CNTN5: variants seen among roughly 807,000 people sequenced by gnomAD.
CNTN5 encodes contactin 5.
A neutral mutation model predicts 129.1 loss-of-function variants in CNTN5; 77 were observed. That is an observed-to-expected ratio of 0.60 (90% CI 0.50 to 0.72). The LOEUF (loss-of-function observed/expected upper bound fraction) is 0.72, where lower values mean the gene tolerates loss of function less well. Among genes scored for constraint, CNTN5 ranks in the 30% least tolerant of loss-of-function variants. CNTN5 has a pLI of 0.00. For missense variants in CNTN5, 1,478 were observed against 1,328.8 expected, an observed-to-expected ratio of 1.11 and a Z score of -1.75; for synonymous variants, 509 against 465.6, an observed-to-expected ratio of 1.09 and a Z score of -1.20.
intron 16 of CNTN5, among the ~76,000 whole-genome samples, chr11:100,231,521 T>A (rs867252257): frequency 3.9e-5 from 6 of 152,096 alleles, no homozygotes; most frequent in Non-Finnish European, 5.9e-5. Context: ...TATACTCTAG[T>A]TAGTTAGACT....
rs150788659 is a variant in CNTN5 at position 100,105,941 on chromosome 11, G to A, written c.1580+31647G>A. Reference sequence around the variant, plus strand: ...CTCATAACATTGGCCCCATTTTACAGTGGAACTCTGATGCTTAATTATACT... The same window carrying A: ...CTCATAACATTGGCCCCATTTTACAATGGAACTCTGATGCTTAATTATACT... On this transcript the variant is annotated intron_variant, in intron 13 of 24. Coordinates refer to ENST00000524871, the MANE Select transcript of CNTN5 (RefSeq NM_014361.4). Among the ~76,000 whole-genome samples, 167 of 152,310 alleles carry A rather than the reference G, an allele frequency of 1.1e-3. 1 individual carries two copies. The highest frequency in any genetic ancestry group is 3.9e-3 in the African/African-American group (164 of 41,576).
At chr11:99,248,150 C>G (rs1056421190) in intron 1 of CNTN5, among the ~76,000 whole-genome samples, 1 of 152,120 alleles carries the variant, frequency 6.6e-6, no homozygotes, top group Non-Finnish European at 1.5e-5. Context: ...TAATGATCAC[C>G]ATTCTAACTG....
At chr11:99,922,645 A>G (rs1169979911) in intron 7 of CNTN5, among the ~76,000 whole-genome samples, 5 of 152,168 alleles carry the variant, frequency 3.3e-5, no homozygotes, top group Non-Finnish European at 2.9e-5. Context: ...TTTTCAAATC[A>G]TAATTAGTTT....
intron 3 of CNTN5, among the ~76,000 whole-genome samples, chr11:99,799,610 A>G (rs775503269): frequency 6.6e-6 from 1 of 151,936 alleles, no homozygotes; most frequent in African/African-American, 2.4e-5. Flanking sequence ...GATCATGAAG[A>G]ATTAACTTTT....
chr11:99,740,018 T>C (rs1161301349), intron 3 of CNTN5, among the ~76,000 whole-genome samples: 1 of 151,564 alleles, frequency 6.6e-6, no homozygotes, highest in Admixed American at 6.6e-5. Context: ...GTGATAAATC[T>C]ATCTTCGATC....
intron 8 of CNTN5, among the ~76,000 whole-genome samples, chr11:99,985,816 C>G (rs1938636767): frequency 6.6e-6 from 1 of 152,150 alleles, no homozygotes; most frequent in African/African-American, 2.4e-5. Flanking sequence ...TTATTTTATT[C>G]AGTCAATGTC....
chr11:99,583,057 C>G (rs1949667156), intron 3 of CNTN5, among the ~76,000 whole-genome samples: 1 of 152,220 alleles, frequency 6.6e-6, no homozygotes. Flanking sequence ...GGACTCTCAG[C>G]TTCAGGTCTG....
At chr11:99,161,764 A>C (rs1271173679) in intron 1 of CNTN5, among the ~76,000 whole-genome samples, 3 of 152,212 alleles carry the variant, frequency 2.0e-5, no homozygotes, top group Non-Finnish European at 4.4e-5. Context: ...AAAAAGTCAG[A>C]AACCATTGTA....
intron 9 of CNTN5, among the ~76,000 whole-genome samples, chr11:100,040,703 C>T (rs549779918): frequency 5.3e-5 from 8 of 152,322 alleles, no homozygotes; most frequent in South Asian, 2.1e-4. Context: ...GCCTCACTGC[C>T]GCCTTGCAGT....
intron 13 of CNTN5, among the ~76,000 whole-genome samples, chr11:100,126,510 A>T (rs1182987141): frequency 1.3e-5 from 2 of 149,972 alleles, no homozygotes; most frequent in Non-Finnish European, 3.0e-5. Flanking sequence ...TGTTGAATTG[A>T]ATCCTTTAAC....
chr11:99,318,570 C>T (rs1443311578), intron 1 of CNTN5, among the ~76,000 whole-genome samples: 1 of 151,830 alleles, frequency 6.6e-6, no homozygotes, highest in Non-Finnish European at 1.5e-5. Context: ...ATTAACTCTC[C>T]AATCGGCAAT....
chr11:99,368,633 T>C (rs1939614070), intron 2 of CNTN5, among the ~76,000 whole-genome samples: 1 of 151,746 alleles, frequency 6.6e-6, no homozygotes, highest in South Asian at 2.1e-4. Flanking sequence ...GGTTGAGGAC[T>C]TTACACATAT....
chr11:100,063,706 TAAA>T lies in CNTN5; in HGVS notation c.1162+2333_1162+2335del, dbSNP rs35896237. On this transcript the variant is annotated intron_variant, in intron 10 of 24. Transcript: ENST00000524871. The stretch of plus-strand genomic sequence containing the variant: ...AGGCCATAGCAGCTGAACCTGTCTC[TAAA>T]AAAAAAAAAAAAAAAAAAATACAAA... Among the ~76,000 whole-genome samples the T allele has an allele frequency of 6.3e-4, 73 of 115,262 alleles. 1 individual carries two copies. The highest frequency in any genetic ancestry group is 9.6e-4 in the Admixed American group (10 of 10,460). 75.6% of individuals were successfully genotyped at this position (115,262 alleles called of 152,430 possible). A position where few individuals can be genotyped will look rare whatever the true frequency, so the allele number is the denominator to read the frequency against.
chr11:99,052,469 G>C (rs988595563), intron 1 of CNTN5, among the ~76,000 whole-genome samples: 3 of 151,824 alleles, frequency 2.0e-5, no homozygotes, highest in African/African-American at 4.8e-5. Context: ...GTAACATGCT[G>C]TTCAGTTTTG....
At chr11:99,885,267 G>A (rs546296342) in intron 6 of CNTN5, among the ~76,000 whole-genome samples, 1 of 152,034 alleles carries the variant, frequency 6.6e-6, no homozygotes, top group South Asian at 2.1e-4. Flanking sequence ...GGGCAAGAGG[G>A]CAAGATCCTG....
intron 2 of CNTN5, among the ~76,000 whole-genome samples, chr11:99,377,811 C>A (rs1304644597): frequency 6.6e-6 from 1 of 152,116 alleles, no homozygotes; most frequent in Non-Finnish European, 1.5e-5. Flanking sequence ...GAAGACCTTG[C>A]AATTTTGCCT....
intron 3 of CNTN5, among the ~76,000 whole-genome samples, chr11:99,775,984 T>C (rs1282321176): frequency 6.6e-6 from 1 of 152,090 alleles, no homozygotes; most frequent in Non-Finnish European, 1.5e-5. Context: ...TCAATAGTTC[T>C]TTATAGTCAT....
intron 1 of CNTN5, among the ~76,000 whole-genome samples, chr11:99,037,675 G>A (rs186150463): frequency 2.1e-3 from 316 of 147,770 alleles, no homozygotes; most frequent in African/African-American, 6.7e-3. Context: ...CCATCTCTCA[G>A]GTTCAAGCAA....
intron 10 of CNTN5, among the ~76,000 whole-genome samples, chr11:100,061,623 T>TAG (rs1237204086): frequency 6.6e-6 from 1 of 152,186 alleles, no homozygotes; most frequent in African/African-American, 2.4e-5. Context: ...ATACAGAACT[T>TAG]ACGTCCTTAA....
Sources: allele counts gnomAD v4.1 joint callset (sites outside exome capture counted in the v4.1 genomes callset), GRCh38; gene constraint gnomAD v4.1.1; transcripts MANE v1.5; gene names NCBI Gene and HGNC (gene_info 2026-07-23, HGNC 2026-07-21).